RHOJ: variants seen among roughly 807,000 people sequenced by gnomAD.
RHOJ encodes the protein rho-related GTP-binding protein RhoJ.
Under a neutral mutation model 23.4 loss-of-function variants are expected in RHOJ, and 11 were observed. The observed-to-expected ratio is 0.47, with a 90% confidence interval of 0.30 to 0.78. The LOEUF (loss-of-function observed/expected upper bound fraction) is 0.78. Among genes scored for constraint, RHOJ ranks in the 30% least tolerant of loss-of-function variants. The pLI is 0.08. For synonymous variants in RHOJ, 102 were observed against 102.7 expected (o/e 0.99, Z 0.04); for missense variants, 254 against 273.4 (o/e 0.93, Z 0.50).
chr14:63,247,742 A>G (rs1035731014), intron 1 of RHOJ, among the ~76,000 whole-genome samples: 1 of 152,180 alleles, frequency 6.6e-6, no homozygotes, highest in Non-Finnish European at 1.5e-5. Flanking sequence ...CATATAATGT[A>G]TAGCCCCTAA....
intron 1 of RHOJ, among the ~76,000 whole-genome samples, chr14:63,249,276 G>A (rs988811961): frequency 1.3e-5 from 2 of 152,234 alleles, no homozygotes; most frequent in Non-Finnish European, 2.9e-5. Flanking sequence ...AATCATTTCT[G>A]ATAGATGAGG....
At chr14:63,278,898 A>G (rs1451833834) in intron 2 of RHOJ, among the ~76,000 whole-genome samples, 7 of 152,146 alleles carry the variant, frequency 4.6e-5, no homozygotes, top group South Asian at 2.1e-4. Context: ...AAGTGGGAGT[A>G]TCGCTTGAGC....
At chr14:63,210,193 C>T (rs1894204116) in intron 1 of RHOJ, among the ~76,000 whole-genome samples, 1 of 152,050 alleles carries the variant, frequency 6.6e-6, no homozygotes, top group African/African-American at 2.4e-5. Context: ...ATCTCTTGAC[C>T]TCGTGATCTG....
chr14:63,227,624 G>A (rs894570574), intron 1 of RHOJ, among the ~76,000 whole-genome samples: 1 of 152,188 alleles, frequency 6.6e-6, no homozygotes, highest in African/African-American at 2.4e-5. Context: ...TTACAACAGT[G>A]TGGGACTGAC....
chr14:63,288,293 C>T (rs1324962184), intron 4 of RHOJ: 10 of 985,294 alleles, frequency 1.0e-5, no homozygotes, highest in Non-Finnish European at 1.2e-5. Flanking sequence ...ATGGGGAGTG[C>T]CCTGCCCCTC....
intron 4 of RHOJ, chr14:63,288,311 A>G (rs1032980003): frequency 7.1e-6 from 7 of 985,198 alleles, no homozygotes; most frequent in Non-Finnish European, 8.4e-6. Flanking sequence ...CTCCTGCAGG[A>G]CTCCAGGTGT....
At chr14:63,240,001 C>T (rs983123973) in intron 1 of RHOJ, among the ~76,000 whole-genome samples, 2 of 152,158 alleles carry the variant, frequency 1.3e-5, no homozygotes, top group Admixed American at 1.3e-4. Context: ...CCCTGACTTG[C>T]ATTTCCTTTA....
At chr14:63,221,347 T>C (rs1393786583) in intron 1 of RHOJ, among the ~76,000 whole-genome samples, 1 of 152,128 alleles carries the variant, frequency 6.6e-6, no homozygotes, top group African/African-American at 2.4e-5. Flanking sequence ...TATATATATA[T>C]AACTGCTTCT....
At chr14:63,261,240 T>C (rs1895266799) in intron 1 of RHOJ, among the ~76,000 whole-genome samples, 1 of 152,160 alleles carries the variant, frequency 6.6e-6, no homozygotes, top group Non-Finnish European at 1.5e-5. Context: ...TTCTTTTGGG[T>C]TAATCCTTAT....
chr14:63,207,544 A>G (rs1894140793), intron 1 of RHOJ, among the ~76,000 whole-genome samples: 1 of 152,182 alleles, frequency 6.6e-6, no homozygotes, highest in Admixed American at 6.5e-5. Context: ...TAAAATGACA[A>G]CCTGCAGTTG....
At chr14:63,210,023 A>C (rs1894200083) in intron 1 of RHOJ, among the ~76,000 whole-genome samples, 1 of 150,044 alleles carries the variant, frequency 6.7e-6, no homozygotes, top group Admixed American at 6.7e-5. Context: ...GCAGTGGCAC[A>C]ATCTCAGCTC....
chr14:63,261,132 C>G (rs996190183), intron 1 of RHOJ, among the ~76,000 whole-genome samples: 1 of 152,162 alleles, frequency 6.6e-6, no homozygotes, highest in Admixed American at 6.5e-5. Context: ...TTGAATGACC[C>G]AAGGTTGTAT....
intron 1 of RHOJ, among the ~76,000 whole-genome samples, chr14:63,259,171 C>G (rs1222517617): frequency 6.6e-6 from 1 of 152,176 alleles, no homozygotes; most frequent in South Asian, 2.1e-4. Context: ...AACTCCTGAC[C>G]TCATGATCCA....
intron 2 of RHOJ, among the ~76,000 whole-genome samples, chr14:63,273,018 C>G (rs964495860): frequency 6.6e-6 from 1 of 152,136 alleles, no homozygotes; most frequent in Admixed American, 6.5e-5. Context: ...AGCAAAACTC[C>G]ATCTCAAAAA....
At chr14:63,227,097 G>A (rs1020251809) in intron 1 of RHOJ, among the ~76,000 whole-genome samples, 5 of 152,036 alleles carry the variant, frequency 3.3e-5, no homozygotes, top group Admixed American at 2.0e-4. Context: ...GATTACAGGC[G>A]CCTGCCACCA....
intron 1 of RHOJ, among the ~76,000 whole-genome samples, chr14:63,224,452 G>A (rs1016287183): frequency 1.3e-5 from 2 of 152,152 alleles, no homozygotes; most frequent in African/African-American, 4.8e-5. Context: ...AGCAGTTGGG[G>A]GGAGGGGGAT....
chr14:63,250,280 T>C (rs929760957), intron 1 of RHOJ, among the ~76,000 whole-genome samples: 1 of 151,342 alleles, frequency 6.6e-6, no homozygotes, highest in Non-Finnish European at 1.5e-5. Flanking sequence ...GGCCTCACTC[T>C]GTCATCCAGG....
intron 1 of RHOJ, among the ~76,000 whole-genome samples, chr14:63,229,626 C>A (rs777892844): frequency 5.2e-4 from 79 of 152,312 alleles, no homozygotes; most frequent in Non-Finnish European, 8.5e-4. Flanking sequence ...CCTCCATCTG[C>A]AAAGCTCTCA....
intron 1 of RHOJ, among the ~76,000 whole-genome samples, chr14:63,214,733 A>T (rs1292742678): frequency 6.6e-6 from 1 of 152,122 alleles, no homozygotes. Flanking sequence ...GCAAGTGGGA[A>T]TTCTGATGCG....
Sources: gnomAD v4.1 joint callset for allele counts (sites outside exome capture counted in the v4.1 genomes callset) on GRCh38, gnomAD v4.1.1 for gene constraint, MANE v1.5 for transcripts, NCBI Gene and HGNC (gene_info 2026-07-23, HGNC 2026-07-21) for gene names.